The following GRIN2B variants were observed in gnomAD, a reference collection of about 807,000 sequenced individuals.
The protein encoded by GRIN2B is glutamate receptor ionotropic, NMDA 2B.
In GRIN2B, 5 loss-of-function variants were observed where a neutral mutation model predicts 114.5. That is an observed-to-expected ratio of 0.04 (90% CI 0.02 to 0.09). The LOEUF (loss-of-function observed/expected upper bound fraction) is 0.09. Ranked by LOEUF, GRIN2B falls within the 10% of genes least tolerant of loss-of-function variation. The probability of loss-of-function intolerance (pLI) is 1.00; values close to 1 mark genes in which losing one functional copy is unlikely to be tolerated. For missense variants in GRIN2B, 1,108 were observed against 1,943.5 expected, an observed-to-expected ratio of 0.57 and a Z score of 8.08; for synonymous variants, 787 against 745.1, an observed-to-expected ratio of 1.06 and a Z score of -0.92.
chr12:13,882,318 C>G (rs1306383019), intron 2 of GRIN2B, among the ~76,000 whole-genome samples: 1 of 152,178 alleles, frequency 6.6e-6, no homozygotes, highest in Admixed American at 6.5e-5. Context: ...CTCGGAAGCT[C>G]TCTGGAATTT....
chr12:13,930,928 A>C (rs1358491496), intron 2 of GRIN2B, among the ~76,000 whole-genome samples: 3 of 152,212 alleles, frequency 2.0e-5, no homozygotes, highest in Admixed American at 2.0e-4. Context: ...TGATAATATC[A>C]ATCAGAAGTT....
intron 10 of GRIN2B, among the ~76,000 whole-genome samples, chr12:13,583,528 T>C (rs1032542342): frequency 4.6e-5 from 7 of 152,008 alleles, no homozygotes; most frequent in African/African-American, 1.2e-4. Context: ...GCTCAGAAAA[T>C]GTACAGATTA....
chr12:13,818,412 T>C (rs999752289), intron 3 of GRIN2B, among the ~76,000 whole-genome samples: 11 of 152,358 alleles, frequency 7.2e-5, no homozygotes, highest in African/African-American at 2.6e-4. Flanking sequence ...CATGCACTTT[T>C]ATTTCATACC....
At chr12:13,627,892 C>G (rs1949584555) in intron 5 of GRIN2B, among the ~76,000 whole-genome samples, 1 of 152,204 alleles carries the variant, frequency 6.6e-6, no homozygotes, top group Admixed American at 6.5e-5. Context: ...CTCTTCTATT[C>G]CCCATGCACT....
At chr12:13,951,682 TCAC>T (rs1463379892) in intron 2 of GRIN2B, among the ~76,000 whole-genome samples, 1 of 152,186 alleles carries the variant, frequency 6.6e-6, no homozygotes, top group Non-Finnish European at 1.5e-5. Context: ...ATCACAGCAC[TCAC>T]CACACAAAAT....
intron 2 of GRIN2B, among the ~76,000 whole-genome samples, chr12:13,949,626 A>G (rs1250751020): frequency 6.6e-6 from 1 of 152,208 alleles, no homozygotes; most frequent in African/African-American, 2.4e-5. Context: ...GGAGGGTGTC[A>G]GGTACCATGT....
chr12:13,704,111 G>A (rs909675583), intron 4 of GRIN2B, among the ~76,000 whole-genome samples: 1 of 152,188 alleles, frequency 6.6e-6, no homozygotes, highest in Non-Finnish European at 1.5e-5. Context: ...ATGTGGTCAT[G>A]AGGCTGGCAT....
Position 13,653,240 on chromosome 12 carries a change from A to C in GRIN2B, c.1125+22505T>G, listed in dbSNP as rs1949834143. Among the ~76,000 whole-genome samples, 5 of 152,244 alleles carry C rather than the reference A, an allele frequency of 3.3e-5. No individual in the cohort carries two copies. In the South Asian group the frequency reaches 1.0e-3, roughly 32 times the overall value. ...ATTGTGATGCCAACATCGATACAAG[A>C]GGAGAAGCATGTTGGAAAGAGAGGG... On this transcript the variant is annotated intron_variant, in intron 5 of 13. Transcript: ENST00000609686.
chr12:13,752,567 AAGTAT>A (rs1863500951), intron 4 of GRIN2B, among the ~76,000 whole-genome samples: 1 of 152,196 alleles, frequency 6.6e-6, no homozygotes, highest in Non-Finnish European at 1.5e-5. Context: ...AAAACCACGA[AAGTAT>A]AGTATAGAAT....
chr12:13,592,133 T>C (rs751796818), intron 10 of GRIN2B, among the ~76,000 whole-genome samples: 2 of 152,074 alleles, frequency 1.3e-5, no homozygotes. Context: ...TAGTGGAGGG[T>C]GACGGGTGTG....
At chr12:13,976,570 A>C (rs1348173091) in intron 2 of GRIN2B, among the ~76,000 whole-genome samples, 2 of 152,188 alleles carry the variant, frequency 1.3e-5, no homozygotes, top group Non-Finnish European at 2.9e-5. Context: ...TAGAATGGTG[A>C]GTTCAACCCT....
intron 5 of GRIN2B, among the ~76,000 whole-genome samples, chr12:13,635,341 A>G (rs1212941506): frequency 6.6e-6 from 1 of 152,190 alleles, no homozygotes; most frequent in African/African-American, 2.4e-5. Context: ...GGAAATCAAT[A>G]GATGCCTTTA....
intron 5 of GRIN2B, among the ~76,000 whole-genome samples, chr12:13,633,995 A>C (rs1187478639): frequency 6.6e-5 from 10 of 152,298 alleles, no homozygotes; most frequent in African/African-American, 2.4e-4. Flanking sequence ...TGTGTGTCAC[A>C]CTTCGTTGAC....
intron 10 of GRIN2B, 28 bp from the exon 11 acceptor site, chr12:13,571,992 G>A: frequency 3.2e-6 from 5 of 1,573,072 alleles, no homozygotes; most frequent in Non-Finnish European, 4.4e-6. Flanking sequence ...GATAGAGACA[G>A]AGCGGGAGAT....
intron 4 of GRIN2B, among the ~76,000 whole-genome samples, chr12:13,704,454 G>T (rs1452963587): frequency 1.3e-5 from 2 of 152,138 alleles, no homozygotes; most frequent in East Asian, 3.9e-4. Context: ...CACACCAACA[G>T]ATTTCTCTAA....
chr12:13,825,496 TTGTGTGTGTGTGTGTGTG>T lies in GRIN2B; in HGVS notation c.411+40284_411+40301del, dbSNP rs55893904. 3.3e-4 allele frequency among the ~76,000 whole-genome samples: 40 copies of T among 122,970 alleles called. No homozygotes were observed. The South Asian group carries it at 3.7e-3, about 11-fold the overall frequency. 80.7% of individuals were successfully genotyped at this position (122,970 alleles called of 152,430 possible). Reference sequence around the variant, plus strand: ...TATATATAATAAATATATATATATTTTGTGTGTGTGTGTGTGTGTGTGTGTGTGTGTGTGTGTATGATG... The same window carrying T: ...TATATATAATAAATATATATATATTTTGTGTGTGTGTGTGTGTGTATGATG... On this transcript the variant is annotated intron_variant, in intron 3 of 13. Transcript: ENST00000609686.
intron 4 of GRIN2B, among the ~76,000 whole-genome samples, chr12:13,713,295 A>G (rs907709361): frequency 6.6e-6 from 1 of 151,792 alleles, no homozygotes; most frequent in African/African-American, 2.4e-5. Flanking sequence ...TGATGATGTC[A>G]TTCCACCAAA....
intron 3 of GRIN2B, among the ~76,000 whole-genome samples, chr12:13,762,852 C>T (rs1369957773): frequency 6.6e-6 from 1 of 152,136 alleles, no homozygotes; most frequent in Non-Finnish European, 1.5e-5. Context: ...AAGGCTAAAT[C>T]CAGAAAGAAG....
At chr12:13,872,684 T>C (rs753150782) in intron 2 of GRIN2B, among the ~76,000 whole-genome samples, 2 of 152,180 alleles carry the variant, frequency 1.3e-5, no homozygotes, top group Non-Finnish European at 2.9e-5. Context: ...GATAGAAATG[T>C]TAAATTGTGT....
Sources: allele counts gnomAD v4.1 joint callset (sites outside exome capture counted in the v4.1 genomes callset), GRCh38; gene constraint gnomAD v4.1.1; transcripts MANE v1.5; gene names NCBI Gene and HGNC (gene_info 2026-07-23, HGNC 2026-07-21).